Variants in CEP350 observed in about 807,000 individuals in gnomAD.
CEP350 encodes centrosomal protein 350, also known as centrosome-associated protein 350.
Under a neutral mutation model 331.8 loss-of-function variants are expected in CEP350, and 126 were observed. The ratio of observed to expected loss-of-function variants is 0.38; its 90% confidence interval spans 0.33 to 0.44. The LOEUF (loss-of-function observed/expected upper bound fraction) is 0.44, where lower values mean the gene tolerates loss of function less well. Among genes scored for constraint, CEP350 ranks in the 20% least tolerant of loss-of-function variants. The pLI, the probability that CEP350 is intolerant of heterozygous loss-of-function variation, is 1.00. For missense variants in CEP350, 3,406 were observed against 3,634.6 expected, an observed-to-expected ratio of 0.94 and a Z score of 1.62; for synonymous variants, 1,200 against 1,259.5, an observed-to-expected ratio of 0.95 and a Z score of 1.00.
Position 179,996,547 on chromosome 1 carries a change from T to C in CEP350, c.396-6T>C, listed in dbSNP as rs1236737958. 6.5e-7 allele frequency: 1 copy of C among 1,527,990 alleles called. No homozygotes were observed. 94.7% of individuals were successfully genotyped at this position (1,527,990 alleles called of 1,614,324 possible). A position where few individuals can be genotyped will look rare whatever the true frequency, so the allele number is the denominator to read the frequency against. ...TAGTCACAGAGCTTATTATTTTTTA[T>C]TGTAGGGAAATCCATGGTGCACCTT... On this transcript the variant is annotated splice_polypyrimidine_tract_variant and splice_region_variant and intron_variant, in intron 5 of 37. Coordinates refer to ENST00000367607, the MANE Select transcript of CEP350 (RefSeq NM_014810.5).
At chr1:179,992,692 A>G (rs564432625) in intron 5 of CEP350, among the ~76,000 whole-genome samples, 40 of 152,270 alleles carry the variant, frequency 2.6e-4, no homozygotes, top group African/African-American at 9.6e-4. Flanking sequence ...TTTGTTGCCA[A>G]TGGCTTTCAG....
Position 179,997,149 on chromosome 1 carries a change from C to T in CEP350, c.992C>T (p.Thr331Ile), listed in dbSNP as rs1653508804. The T allele has an allele frequency of 6.2e-7, 1 of 1,613,490 alleles. No homozygotes were observed. Among genetic ancestry groups the T allele is most frequent in the South Asian group, 1.1e-5 (1 of 91,066 alleles). Reference sequence around the variant, plus strand: ...ACAGCAAAAGTCAGAAAAGTGGCAACAGCACCACCTGCTCCAGCATATAAA... The same window carrying T: ...ACAGCAAAAGTCAGAAAAGTGGCAATAGCACCACCTGCTCCAGCATATAAA... The part of the protein sequence containing the change: ...SVTAKVRKVA[T>I]APPAPAYKGF... The change falls in exon 6 of 38, where the codon ACA becomes ATA. Residue 331 changes from threonine (T) to isoleucine (I), a missense_variant. This residue lies in a region of CEP350 where 1,857 missense variants were observed against 1,909.2 expected (regional missense o/e 0.97). Transcript: ENST00000367607.
intron 1 of CEP350, among the ~76,000 whole-genome samples, chr1:179,957,063 G>C (rs1041522902): frequency 1.3e-5 from 2 of 152,042 alleles, no homozygotes; most frequent in Admixed American, 6.5e-5. Flanking sequence ...CATGAATTAT[G>C]ATGGATCACT....
chr1:179,982,192 C>T (rs1023543517), intron 1 of CEP350, among the ~76,000 whole-genome samples: 4 of 152,166 alleles, frequency 2.6e-5, no homozygotes, highest in Non-Finnish European at 5.9e-5. Context: ...AGAAGCACTT[C>T]CTTGCTCCAA....
intron 1 of CEP350, among the ~76,000 whole-genome samples, chr1:179,976,685 A>C (rs2148624437): frequency 6.6e-6 from 1 of 152,230 alleles, no homozygotes; most frequent in Admixed American, 6.5e-5. Context: ...GAATGTAAGA[A>C]ATACAAGAAA....
chr1:179,958,055 T>C (rs376966137), intron 1 of CEP350, among the ~76,000 whole-genome samples: 5 of 152,212 alleles, frequency 3.3e-5, no homozygotes, highest in African/African-American at 1.2e-4. Flanking sequence ...ATTGCACAGC[T>C]GCTAAGTCTA....
In CEP350 at chr1:179,977,817, CTT is replaced by C. The variant is rs570030145; in HGVS notation, c.-13-8349_-13-8348del. 4.4e-3 allele frequency among the ~76,000 whole-genome samples: 671 copies of C among 151,886 alleles called. 4 individuals are homozygous for C. Among genetic ancestry groups the C allele is most frequent in the African/African-American group, 0.015 (634 of 41,482 alleles). ...TTTAATTTTTTAAAACTTTTTGACT[CTT>C]TTGTAATAATTCTTAGCTTAAAACA... On this transcript the variant is annotated intron_variant, in intron 1 of 37. Coordinates refer to ENST00000367607, the MANE Select transcript of CEP350 (RefSeq NM_014810.5).
intron 37 of CEP350, among the ~76,000 whole-genome samples, chr1:180,108,687 A>G (rs1355239826): frequency 1.3e-5 from 2 of 152,198 alleles, no homozygotes; most frequent in African/African-American, 4.8e-5. Flanking sequence ...AGAGAGGAAC[A>G]CCAATTCCAT....
chr1:180,094,069 C>T lies in CEP350; in HGVS notation c.7964C>T (p.Ser2655Phe). 6.2e-7 allele frequency: 1 copy of T among 1,613,932 alleles called. No individual in the cohort carries two copies. The highest frequency in any genetic ancestry group is 2.2e-5 in the East Asian group (1 of 44,876). The change falls in exon 34 of 38, where the codon TCT (serine) becomes TTT (phenylalanine). Residue 2655 changes from serine (S) to phenylalanine (F), a missense_variant. Transcript: ENST00000367607. ...GVLEAHVHQQ[S>F]SVDSQISSKE... Reference sequence around the variant, plus strand: ...CTTGAAGCCCATGTTCACCAGCAGTCTTCAGTGGATTCACAGATTTCTTCA... The same window carrying T: ...CTTGAAGCCCATGTTCACCAGCAGTTTTCAGTGGATTCACAGATTTCTTCA...
chr1:180,054,380 C>T, intron 24 of CEP350, 35 bp from the exon 25 acceptor site: 1 of 1,474,926 alleles, frequency 6.8e-7, no homozygotes. Flanking sequence ...GAAATTTAAT[C>T]AAATCTTTGT....
At chr1:180,081,546 T>C (rs953957961) in intron 30 of CEP350, among the ~76,000 whole-genome samples, 2 of 152,250 alleles carry the variant, frequency 1.3e-5, no homozygotes, top group African/African-American at 4.8e-5. Context: ...CAGGATATGC[T>C]CTGAGAAATG....
rs1657278241 is a variant in CEP350 at position 180,048,562 on chromosome 1, A to G, written c.4649A>G (p.Glu1550Gly). 5 of 1,607,192 alleles carry G rather than the reference A, an allele frequency of 3.1e-6. No homozygotes were observed. The highest frequency in any genetic ancestry group is 2.2e-5 in the East Asian group (1 of 44,854). The change falls in exon 22 of 38, where the codon GAA (glutamate) becomes GGA (glycine). Residue 1550 changes from glutamate to glycine, a missense_variant. By Grantham distance (98) the Glu-to-Gly change is moderately conservative. Coordinates refer to ENST00000367607, the MANE Select transcript of CEP350 (RefSeq NM_014810.5). ...RRSSSGSSRQ[E>G]SPSVPSCKEN... ...AGTAGCAGTGGTAGCAGCCGCCAAG[A>G]AAGTCCTTCAGTTCCATCTTGTAAG...
chr1:180,072,886 T>C (rs1178621644), intron 27 of CEP350, among the ~76,000 whole-genome samples: 1 of 152,224 alleles, frequency 6.6e-6, no homozygotes, highest in African/African-American at 2.4e-5. Flanking sequence ...GTTATTGTCA[T>C]GTGCATGTGA....
Position 180,092,701 on chromosome 1 carries a change from C to A in CEP350, c.6596C>A (p.Thr2199Lys). ...AGAGTAAATGAATGGGACAGTCGAACAGAAGATTTTCAGACCCCATCTCCA... is the reference window on the plus strand; with the variant it reads ...AGAGTAAATGAATGGGACAGTCGAAAAGAAGATTTTCAGACCCCATCTCCA... ...AKRVNEWDSRTEDFQTPSPVL... is the reference protein window; with the variant it reads ...AKRVNEWDSRKEDFQTPSPVL... The change falls in exon 34 of 38, where the codon ACA (threonine) becomes AAA (lysine). Residue 2199 changes from threonine to lysine, a missense_variant. By Grantham distance (78) the Thr-to-Lys change is moderately conservative. Transcript: ENST00000367607. 1 of 1,612,560 alleles carries A rather than the reference C, an allele frequency of 6.2e-7. No individual in the cohort carries two copies. The highest frequency in any genetic ancestry group is 8.5e-7 in the Non-Finnish European group (1 of 1,179,168).
At chr1:180,043,776 G>A (rs1380059037) in intron 20 of CEP350, among the ~76,000 whole-genome samples, 1 of 19,186 alleles carries the variant, frequency 5.2e-5, no homozygotes, top group East Asian at 2.9e-3. Context: ...CCATATTTGT[G>A]TGTGTGTGTG....
intron 13 of CEP350, 55 bp downstream of exon 13, chr1:180,022,903 A>G: frequency 1.3e-6 from 2 of 1,491,080 alleles, no homozygotes; most frequent in Non-Finnish European, 1.8e-6. Flanking sequence ...AAATGTACAA[A>G]TGAGAACTCT....
chr1:180,094,294 T>C lies in CEP350; in HGVS notation c.8189T>C (p.Leu2730Pro). ...LDLLTREKNQ[L>P]EAQLKSSLNE... ...CTTTTAACAAGAGAAAAAAACCAAC[T>C]GGAAGCCCAGCTGAAGTCATCACTA... Residue 2730 changes from leucine to proline, a missense_variant, in exon 34 of 38, where the codon CTG becomes CCG. By Grantham distance (98) the Leu-to-Pro change is moderately conservative (BLOSUM62 -3). Coordinates refer to ENST00000367607, the MANE Select transcript of CEP350 (RefSeq NM_014810.5). The C allele has an allele frequency of 3.1e-6, 5 of 1,613,694 alleles. No individual in the cohort carries two copies. The South Asian group carries it at 5.5e-5, about 18-fold the overall frequency.
intron 8 of CEP350, among the ~76,000 whole-genome samples, chr1:180,010,759 A>G (rs2148793413): frequency 6.6e-6 from 1 of 151,724 alleles, no homozygotes; most frequent in South Asian, 2.1e-4. Flanking sequence ...GCATCACTGT[A>G]CCCAGCTAAT....
chr1:179,958,681 T>C (rs1051464151), intron 1 of CEP350, among the ~76,000 whole-genome samples: 1 of 152,198 alleles, frequency 6.6e-6, no homozygotes, highest in African/African-American at 2.4e-5. Flanking sequence ...GTAGTTCTCA[T>C]GTTACAGGGG....
Sources: gnomAD v4.1 joint callset for allele counts (sites outside exome capture counted in the v4.1 genomes callset) on GRCh38, gnomAD v4.1.1 for gene constraint, gnomAD v4.1.1 regional missense constraint, MANE v1.5 for transcripts, NCBI Gene and HGNC (gene_info 2026-07-23, HGNC 2026-07-21) for gene names.